FAT3: variants seen among roughly 807,000 people sequenced by gnomAD.
FAT3 encodes the protein protocadherin Fat 3.
FAT3 carries 95 observed loss-of-function variants against 310.2 expected under a neutral mutation model. The ratio of observed to expected loss-of-function variants is 0.31; its 90% CI spans 0.26 to 0.36. The LOEUF (loss-of-function observed/expected upper bound fraction) is 0.36. Ranked by LOEUF, FAT3 falls within the 10% of genes least tolerant of loss-of-function variation. FAT3 has a pLI of 1.00. For synonymous variants in FAT3, 2,314 were observed against 2,192.9 expected, an observed-to-expected ratio of 1.06 and a Z score of -1.54; for missense variants, 5,408 against 5,715.6, an observed-to-expected ratio of 0.95 and a Z score of 1.74.
chr11:92,859,134 T>C, intron 20 of FAT3, 31 bp from the exon 21 acceptor site: 1 of 1,599,154 alleles, frequency 6.3e-7, no homozygotes, highest in Admixed American at 1.7e-5. Context: ...ATGTTAAAAA[T>C]ATATATGTCT....
intron 3 of FAT3, among the ~76,000 whole-genome samples, chr11:92,663,861 T>A (rs890156594): frequency 6.6e-6 from 1 of 152,204 alleles, no homozygotes; most frequent in Non-Finnish European, 1.5e-5. Context: ...AAAATAGAGA[T>A]GAGCTTATGT....
chr11:92,669,220 T>A (rs1401270573), intron 3 of FAT3, among the ~76,000 whole-genome samples: 4 of 152,220 alleles, frequency 2.6e-5, no homozygotes, highest in Non-Finnish European at 1.5e-5. Context: ...ACCTGGAGAA[T>A]TAATTCTTTC....
Position 92,882,837 on chromosome 11 carries a change from C to G in FAT3, c.12381C>G (p.Gly4127=), listed in dbSNP as rs2136409082. 1 of 1,611,778 alleles carries G rather than the reference C, an allele frequency of 6.2e-7. No homozygotes were observed. The highest frequency in any genetic ancestry group is 8.5e-7 in the Non-Finnish European group (1 of 1,179,178). ...CCTTCCTCTGCAACTGCACGCCGGG[C>G]TACGTGGGCCAGTACTGCGGGCTGC... ...FGSFLCNCTP[G]YVGQYCGLRP... The change falls in exon 24 of 28, where the codon GGC becomes GGG. Residue 4127 remains glycine, a synonymous_variant. Coordinates refer to ENST00000525166, the MANE Select transcript of FAT3 (RefSeq NM_001367949.2).
Position 92,422,160 on chromosome 11 carries a change from G to A in FAT3, c.3292+66756G>A, listed in dbSNP as rs570685178. On this transcript the variant is annotated intron_variant, in intron 2 of 27. Coordinates refer to ENST00000525166, the MANE Select transcript of FAT3 (RefSeq NM_001367949.2). ...CTTTGCCTATACTCCACAAGTCTTT[G>A]GAGTACATCTAGTTCTCCTTCCAAT... is the stretch of plus-strand genomic sequence containing the variant. Among the ~76,000 whole-genome samples the A allele has an allele frequency of 3.9e-5, 6 of 152,194 alleles. No homozygotes were observed. In the East Asian group the frequency reaches 1.2e-3, roughly 29 times the overall value.
chr11:92,238,023 G>T (rs1054089787), intron 1 of FAT3, among the ~76,000 whole-genome samples: 1 of 152,048 alleles, frequency 6.6e-6, no homozygotes, highest in African/African-American at 2.4e-5. Flanking sequence ...CATTTCACAG[G>T]TGACAAAGAT....
intron 25 of FAT3, among the ~76,000 whole-genome samples, chr11:92,888,252 GA>G: frequency 6.6e-6 from 1 of 152,298 alleles, no homozygotes; most frequent in African/African-American, 2.4e-5. Context: ...ACCATTATCG[GA>G]AGGTCAAAGA....
intron 4 of FAT3, among the ~76,000 whole-genome samples, chr11:92,716,432 C>A (rs1465839792): frequency 1.3e-5 from 2 of 151,708 alleles, no homozygotes; most frequent in African/African-American, 4.8e-5. Flanking sequence ...CTACTCTTGA[C>A]TTGTGCTTTG....
chr11:92,339,655 G>T (rs1211991170), intron 1 of FAT3, among the ~76,000 whole-genome samples: 1 of 152,140 alleles, frequency 6.6e-6, no homozygotes, highest in Non-Finnish European at 1.5e-5. Flanking sequence ...TGAGGAATAT[G>T]GAAGCTGCAG....
intron 3 of FAT3, among the ~76,000 whole-genome samples, chr11:92,605,730 T>G (rs1315774788): frequency 1.3e-5 from 2 of 149,228 alleles, no homozygotes; most frequent in Non-Finnish European, 3.0e-5. Context: ...TTTTTTTTTT[T>G]TTTTTTTTTT....
intron 2 of FAT3, among the ~76,000 whole-genome samples, chr11:92,395,968 T>G (rs1290862539): frequency 6.6e-6 from 1 of 152,180 alleles, no homozygotes; most frequent in Non-Finnish European, 1.5e-5. Flanking sequence ...TACAGCAGTA[T>G]AAATTCATTT....
At chr11:92,410,702 C>T (rs1950237803) in intron 2 of FAT3, among the ~76,000 whole-genome samples, 1 of 151,948 alleles carries the variant, frequency 6.6e-6, no homozygotes, top group Admixed American at 6.6e-5. Context: ...AGATCAGTTT[C>T]TGGCCCAGAC....
intron 7 of FAT3, 90 bp downstream of exon 7, chr11:92,774,270 A>C (rs950677230): frequency 7.4e-7 from 1 of 1,356,824 alleles, no homozygotes; most frequent in Non-Finnish European, 9.9e-7. Context: ...TAATGGAAGT[A>C]GTAAATTATG....
Position 92,524,696 on chromosome 11 carries a change from T to A in FAT3, c.3355T>A (p.Tyr1119Asn). 6.2e-7 allele frequency: 1 copy of A among 1,613,924 alleles called. No homozygotes were observed. Among genetic ancestry groups the A allele is most frequent in the Non-Finnish European group, 8.5e-7 (1 of 1,179,838 alleles). Reference sequence around the variant, plus strand: ...AATGGGGTCATACTGGCTAACAGTGTATGCCACAGACAGGGGCGTTGTTCC... The same window carrying A: ...AATGGGGTCATACTGGCTAACAGTGAATGCCACAGACAGGGGCGTTGTTCC... ...ETMGSYWLTV[Y>N]ATDRGVVPLY... is the part of the protein sequence containing the mutation. The change falls in exon 3 of 28, where the codon TAT becomes AAT. Residue 1119 changes from tyrosine to asparagine, a missense_variant. Coordinates refer to ENST00000525166, the MANE Select transcript of FAT3 (RefSeq NM_001367949.2).
chr11:92,801,718 T>C lies in FAT3; in HGVS notation c.8705T>C (p.Phe2902Ser). 6.2e-7 allele frequency: 1 copy of C among 1,613,934 alleles called. No individual in the cohort carries two copies. Among genetic ancestry groups the C allele is most frequent in the Non-Finnish European group, 8.5e-7 (1 of 1,179,858 alleles). The change falls in exon 10 of 28, where the codon TTC becomes TCC. Residue 2902 changes from phenylalanine (F) to serine (S), a missense_variant. By Grantham distance (155) the Phe-to-Ser change is radical. Transcript: ENST00000525166. Reference protein sequence around the residue: ...SVVASDLGEAFSLSSTALVSV... With the variant: ...SVVASDLGEASSLSSTALVSV... ...GTGGCCTCTGACCTTGGAGAGGCAT[T>C]CTCTCTTTCCTCCACGGCCTTGGTC...
chr11:92,297,487 A>G (rs1946880179), intron 1 of FAT3, among the ~76,000 whole-genome samples: 1 of 152,056 alleles, frequency 6.6e-6, no homozygotes, highest in Non-Finnish European at 1.5e-5. Context: ...TCAAATGACA[A>G]CTGTCATTTA....
intron 2 of FAT3, among the ~76,000 whole-genome samples, chr11:92,515,237 G>A (rs1013742973): frequency 6.6e-6 from 1 of 152,096 alleles, no homozygotes; most frequent in Non-Finnish European, 1.5e-5. Flanking sequence ...CTCCAGGACT[G>A]TGTTGGGTAA....
At chr11:92,546,859 G>A (rs973133255) in intron 3 of FAT3, among the ~76,000 whole-genome samples, 2 of 152,156 alleles carry the variant, frequency 1.3e-5, no homozygotes, top group African/African-American at 4.8e-5. Context: ...AGTAATTACT[G>A]CATGTTCTTG....
At chr11:92,234,356 A>C (rs760399852) in intron 1 of FAT3, among the ~76,000 whole-genome samples, 48 of 152,220 alleles carry the variant, frequency 3.2e-4, no homozygotes, top group Non-Finnish European at 5.9e-4. Flanking sequence ...CTCCCTCAGT[A>C]CTGCTTTGAC....
chr11:92,742,242 A>G (rs192720525), intron 4 of FAT3, among the ~76,000 whole-genome samples: 49 of 152,350 alleles, frequency 3.2e-4, no homozygotes, highest in African/African-American at 1.1e-3. Flanking sequence ...GAGTCATTCT[A>G]TCTGAATGTG....
Sources: gnomAD v4.1 joint callset for allele counts (sites outside exome capture counted in the v4.1 genomes callset) on GRCh38, gnomAD v4.1.1 for gene constraint, MANE v1.5 for transcripts, NCBI Gene and HGNC (gene_info 2026-07-23, HGNC 2026-07-21) for gene names.